The following TBC1D1 variants were observed in gnomAD, a reference collection of about 807,000 sequenced individuals.
TBC1D1 encodes the protein TBC1 (tre-2/USP6, BUB2, cdc16) domain family, member 1.
Under a neutral mutation model 125.6 loss-of-function variants are expected in TBC1D1, and 89 were observed. That is an observed-to-expected ratio of 0.71 (90% CI 0.60 to 0.85). The LOEUF (loss-of-function observed/expected upper bound fraction) is 0.85. TBC1D1 is among the 40% of genes least tolerant of loss of function. The pLI is 0.00. For synonymous variants in TBC1D1, 565 were observed against 564.1 expected, an observed-to-expected ratio of 1.00 and a Z score of -0.02; for missense variants, 1,377 against 1,469.2, an observed-to-expected ratio of 0.94 and a Z score of 1.03.
chr4:38,075,156 A>G (rs1755370124), intron 12 of TBC1D1, among the ~76,000 whole-genome samples: 1 of 152,258 alleles, frequency 6.6e-6, no homozygotes, highest in Admixed American at 6.5e-5. Context: ...GCTTACCACA[A>G]AAACAGTTTT....
At chr4:38,056,044 A>G (rs963012453) in intron 12 of TBC1D1, among the ~76,000 whole-genome samples, 3 of 152,280 alleles carry the variant, frequency 2.0e-5, no homozygotes, top group Non-Finnish European at 2.9e-5. Context: ...TAGGGGCCAC[A>G]GATGACTGCT....
chr4:37,994,305 T>G (rs1195476268), intron 2 of TBC1D1, among the ~76,000 whole-genome samples: 1 of 152,226 alleles, frequency 6.6e-6, no homozygotes, highest in Non-Finnish European at 1.5e-5. Context: ...TTTGTTTGTT[T>G]TTTGAGACGA....
intron 15 of TBC1D1, among the ~76,000 whole-genome samples, chr4:38,108,966 C>T (rs1327989845): frequency 6.6e-6 from 1 of 152,156 alleles, no homozygotes; most frequent in Non-Finnish European, 1.5e-5. Flanking sequence ...TGGGCTGCCT[C>T]GCTCGGCCAG....
At chr4:37,970,755 T>A (rs1218531019) in intron 2 of TBC1D1, among the ~76,000 whole-genome samples, 1 of 152,272 alleles carries the variant, frequency 6.6e-6, no homozygotes, top group Non-Finnish European at 1.5e-5. Flanking sequence ...TAGGTGCTAA[T>A]GAATATTCAT....
At chr4:38,104,882 A>G (rs1360861573) in intron 15 of TBC1D1, among the ~76,000 whole-genome samples, 1 of 151,888 alleles carries the variant, frequency 6.6e-6, no homozygotes, top group Non-Finnish European at 1.5e-5. Context: ...CAGTCTCCCA[A>G]GTAGCTGGGA....
chr4:37,917,630 G>A (rs1282473303), intron 2 of TBC1D1, among the ~76,000 whole-genome samples: 2 of 152,152 alleles, frequency 1.3e-5, no homozygotes, highest in Non-Finnish European at 2.9e-5. Flanking sequence ...CAGGGAATTG[G>A]ACTAACTGTG....
At position 38,139,168 on chromosome 4, in the gene TBC1D1, C is replaced by T. The variant is rs1767056239; in HGVS notation, c.*1833C>T. 1 of 150,304 alleles carries T rather than the reference C, an allele frequency of 6.7e-6. No homozygotes were observed. The highest frequency in any genetic ancestry group is 1.5e-5 in the Non-Finnish European group (1 of 67,728). 9.3% of individuals were successfully genotyped at this position (150,304 alleles called of 1,614,324 possible). ...GCAATAAAACAAGAAATAATTCATG[C>T]TCACATTTTTATGGTGGTTTTTTTT... On this transcript the variant is annotated 3_prime_UTR_variant, in exon 20 of 20. Transcript: ENST00000261439.
At chr4:38,011,977 T>C (rs1741607561) in intron 2 of TBC1D1, among the ~76,000 whole-genome samples, 2 of 152,184 alleles carry the variant, frequency 1.3e-5, no homozygotes, top group Admixed American at 1.3e-4. Context: ...CTCTCTCCTT[T>C]GATACATAAT....
At chr4:38,073,824 A>G (rs1755119563) in intron 12 of TBC1D1, among the ~76,000 whole-genome samples, 1 of 152,180 alleles carries the variant, frequency 6.6e-6, no homozygotes, top group Non-Finnish European at 1.5e-5. Flanking sequence ...TAGGGGTCTG[A>G]AGGAAGGAAG....
chr4:38,122,936 C>T (rs570483287), intron 17 of TBC1D1, among the ~76,000 whole-genome samples: 9 of 152,210 alleles, frequency 5.9e-5, no homozygotes, highest in Admixed American at 1.3e-4. Flanking sequence ...ATTTCCTTTC[C>T]GGGAAAGTCT....
intron 2 of TBC1D1, among the ~76,000 whole-genome samples, chr4:37,906,162 G>A (rs922140771): frequency 4.7e-5 from 7 of 148,116 alleles, no homozygotes; most frequent in Non-Finnish European, 8.8e-5. Context: ...TTTCCCCCCC[G>A]CTTGAGACAC....
In TBC1D1 at chr4:38,035,634, CT is replaced by C; in HGVS notation, c.1353del (p.Leu452Ter). On this transcript the variant is annotated frameshift_variant, in exon 8 of 20. Coordinates refer to ENST00000261439, the MANE Select transcript of TBC1D1 (RefSeq NM_015173.4). LOFTEE classifies it high-confidence loss of function. Reference sequence around the variant, plus strand: ...CAGCGAGAGAATGAATTGATTATTTCTTTTCTGAGATGTTTATATGAAGAGA... The same window carrying C: ...CAGCGAGAGAATGAATTGATTATTTCTTTCTGAGATGTTTATATGAAGAGA... 6.2e-7 allele frequency: 1 copy of C among 1,613,802 alleles called. No individual in the cohort carries two copies. The highest frequency in any genetic ancestry group is 1.1e-5 in the South Asian group (1 of 91,026).
chr4:38,130,945 ATTC>A (rs1765485827), intron 18 of TBC1D1, among the ~76,000 whole-genome samples: 1 of 152,116 alleles, frequency 6.6e-6, no homozygotes, highest in Non-Finnish European at 1.5e-5. Flanking sequence ...GCCCCTCCCA[ATTC>A]TTTTCTTTCC....
chr4:37,892,613 A>G (rs1713594923), intron 1 of TBC1D1, among the ~76,000 whole-genome samples: 2 of 152,188 alleles, frequency 1.3e-5, no homozygotes, highest in African/African-American at 4.8e-5. Context: ...AAAAAAAATC[A>G]CTAGTGTAGT....
At chr4:37,894,099 C>T (rs1451193869) in intron 1 of TBC1D1, among the ~76,000 whole-genome samples, 1 of 151,586 alleles carries the variant, frequency 6.6e-6, no homozygotes, top group Non-Finnish European at 1.5e-5. Flanking sequence ...AGTGATTCTC[C>T]TGCCTCAGCC....
chr4:38,087,871 A>T (rs1444811932), intron 12 of TBC1D1, among the ~76,000 whole-genome samples: 1 of 149,482 alleles, frequency 6.7e-6, no homozygotes, highest in Non-Finnish European at 1.5e-5. Context: ...AAGAAAAAAA[A>T]AAAAAAGAAT....
intron 2 of TBC1D1, chr4:37,951,964 A>G (rs536285534): frequency 2.4e-5 from 17 of 717,430 alleles, no homozygotes; most frequent in African/African-American, 1.4e-4. Flanking sequence ...ACTGACACCT[A>G]TGTGTTCTCA....
In TBC1D1 at chr4:38,026,352, G is replaced by A. The variant is rs78249219; in HGVS notation, c.1211-1436G>A. ...CAGCTGCTGTGGGAGGGGAGGAGCC[G>A]TGGCTTTGGGCAGGCGTGGCTGCCG... On this transcript the variant is annotated intron_variant, in intron 6 of 19. Transcript: ENST00000261439. Among the ~76,000 whole-genome samples, 1,156 of 152,364 alleles carry A rather than the reference G, an allele frequency of 7.6e-3. 18 individuals are homozygous for A. Among genetic ancestry groups the A allele is most frequent in the African/African-American group, 0.026 (1,091 of 41,592 alleles).
intron 15 of TBC1D1, among the ~76,000 whole-genome samples, chr4:38,104,451 C>T (rs184727350): frequency 6.6e-6 from 1 of 152,334 alleles, no homozygotes; most frequent in African/African-American, 2.4e-5. Flanking sequence ...TGCCTGCCGC[C>T]TATCACCCAA....
Sources: gnomAD v4.1 joint callset for allele counts (sites outside exome capture counted in the v4.1 genomes callset) on GRCh38, gnomAD v4.1.1 for gene constraint, MANE v1.5 for transcripts, NCBI Gene and HGNC (gene_info 2026-07-23, HGNC 2026-07-21) for gene names.